ARHGAP6: variants seen among roughly 807,000 people sequenced by gnomAD.
ARHGAP6 encodes the protein Rho GTPase activating protein 6, also known as rho GTPase-activating protein 6.
In ARHGAP6, 16 loss-of-function variants were observed where a neutral mutation model predicts 55.7. The observed-to-expected ratio is 0.29, with a 90% CI of 0.19 to 0.44. The LOEUF (loss-of-function observed/expected upper bound fraction) is 0.44. ARHGAP6 is among the 20% of genes least tolerant of loss of function. ARHGAP6 has a pLI of 1.00. For synonymous variants in ARHGAP6, 382 were observed against 360.9 expected, an observed-to-expected ratio of 1.06 and a Z score of -0.66; for missense variants, 698 against 808.9, an observed-to-expected ratio of 0.86 and a Z score of 1.66.
intron 8 of ARHGAP6, among the ~76,000 whole-genome samples, chrX:11,174,623 T>TTTTCTTTTCTTTC (rs1555964791): frequency 4.3e-5 from 2 of 46,733 alleles, no homozygotes; most frequent in Non-Finnish European, 7.8e-5. Flanking sequence ...TTTCTCTTTC[T>TTTTCTTTTCTTTC]TTTCTTTCTT....
At chrX:11,330,899 T>C (rs1293569023) in intron 1 of ARHGAP6, among the ~76,000 whole-genome samples, 1 of 111,803 alleles carries the variant, frequency 8.9e-6, no homozygotes, top group Non-Finnish European at 1.9e-5. Context: ...GCCTGGCACA[T>C]GTTCAGCATG....
At chrX:11,296,716 T>C in intron 1 of ARHGAP6, 1 of 1,105,718 alleles carries the variant, frequency 9.0e-7, no homozygotes, top group Non-Finnish European at 1.2e-6. Context: ...TCCTCTCTCT[T>C]CTCTTCCTTC....
intron 8 of ARHGAP6, 95 bp from the exon 9 acceptor site, chrX:11,169,779 T>C: frequency 1.4e-6 from 1 of 715,288 alleles, no homozygotes; most frequent in Non-Finnish European, 2.0e-6. Context: ...TCTCCTTTTT[T>C]TTTTTTAATC....
chrX:11,253,903 C>CAA (rs375631926), intron 2 of ARHGAP6, among the ~76,000 whole-genome samples: 38 of 66,324 alleles, frequency 5.7e-4, no homozygotes, highest in Admixed American at 7.0e-4. Flanking sequence ...GACTCCATCT[C>CAA]AAAAAAAAAA....
At chrX:11,442,847 T>C (rs2050053587) in intron 1 of ARHGAP6, among the ~76,000 whole-genome samples, 1 of 112,122 alleles carries the variant, frequency 8.9e-6, no homozygotes, top group Admixed American at 9.4e-5. Flanking sequence ...CCAGGGCTAA[T>C]TATGTGGTTG....
In ARHGAP6 at chrX:11,390,537, T is replaced by A. The variant is rs1443438350; in HGVS notation, c.589-135830A>T. Among the ~76,000 whole-genome samples, 4 of 110,624 alleles carry A rather than the reference T, an allele frequency of 3.6e-5. No homozygotes were observed. In the East Asian group the frequency reaches 1.1e-3, roughly 31 times the overall value. On this transcript the variant is annotated intron_variant, in intron 1 of 12. Coordinates refer to ENST00000337414, the MANE Select transcript of ARHGAP6 (RefSeq NM_013427.3). ...CAGAGTGAACAGGCAACCTACAAAA[T>A]GGGAGAAAATTTTTGCAATCTACTC... is the stretch of plus-strand genomic sequence containing the variant.
intron 1 of ARHGAP6, chrX:11,266,056 T>TGA (rs2047620519): frequency 4.9e-6 from 2 of 408,362 alleles, no homozygotes; most frequent in South Asian, 1.8e-4. Flanking sequence ...TGTGTGTGTG[T>TGA]GTGTGTGTGT....
intron 1 of ARHGAP6, chrX:11,334,892 T>C (rs181666893): frequency 6.9e-6 from 1 of 144,159 alleles, no homozygotes; most frequent in African/African-American, 3.2e-5. Context: ...CACTTTGCTC[T>C]GGTATTTTTG....
intron 1 of ARHGAP6, among the ~76,000 whole-genome samples, chrX:11,452,932 C>A (rs1201847164): frequency 1.8e-5 from 2 of 110,760 alleles, no homozygotes; most frequent in Non-Finnish European, 3.8e-5. Context: ...GTCAAGTTTT[C>A]CAAATCTACT....
intron 1 of ARHGAP6, among the ~76,000 whole-genome samples, chrX:11,415,124 CATAAAT>C (rs1376667988): frequency 8.9e-6 from 1 of 111,792 alleles, no homozygotes; most frequent in Non-Finnish European, 1.9e-5. Flanking sequence ...TATTGTACAT[CATAAAT>C]ATATTTAATT....
chrX:11,405,446 A>G (rs1286768260), intron 1 of ARHGAP6, among the ~76,000 whole-genome samples: 1 of 112,259 alleles, frequency 8.9e-6, no homozygotes, highest in Non-Finnish European at 1.9e-5. Context: ...ACTTTTAAGG[A>G]GAATTTCTTT....
At chrX:11,497,837 G>C (rs1442618637) in intron 1 of ARHGAP6, among the ~76,000 whole-genome samples, 1 of 110,022 alleles carries the variant, frequency 9.1e-6, no homozygotes, top group Non-Finnish European at 1.9e-5. Context: ...TAGAGTAATG[G>C]TTCTCAACCT....
intron 1 of ARHGAP6, among the ~76,000 whole-genome samples, chrX:11,551,047 A>C (rs1051904018): frequency 1.8e-5 from 2 of 112,029 alleles, no homozygotes; most frequent in African/African-American, 6.5e-5. Flanking sequence ...GTACAAAAGT[A>C]GGGGAGAGAA....
intron 1 of ARHGAP6, among the ~76,000 whole-genome samples, chrX:11,490,925 A>G (rs914780225): frequency 8.9e-6 from 1 of 112,627 alleles, no homozygotes; most frequent in African/African-American, 3.2e-5. Context: ...TTCAAAAAGA[A>G]TATTTAATGT....
chrX:11,483,077 G>A (rs1377001800), intron 1 of ARHGAP6, among the ~76,000 whole-genome samples: 6 of 111,549 alleles, frequency 5.4e-5, no homozygotes, highest in African/African-American at 1.6e-4. Flanking sequence ...GAACACAGTC[G>A]AAGGCAGAAC....
At chrX:11,635,069 G>A (rs1202638872) in intron 1 of ARHGAP6, among the ~76,000 whole-genome samples, 3 of 111,954 alleles carry the variant, frequency 2.7e-5, no homozygotes, top group African/African-American at 9.7e-5. Flanking sequence ...TTTTTGTCAT[G>A]TGGACCTCTC....
At chrX:11,304,819 G>A (rs1421905437) in intron 1 of ARHGAP6, among the ~76,000 whole-genome samples, 5 of 72,523 alleles carry the variant, frequency 6.9e-5, no homozygotes, top group African/African-American at 1.2e-4. Flanking sequence ...ATGGAGTCTC[G>A]CTCTGTCGCC....
intron 1 of ARHGAP6, among the ~76,000 whole-genome samples, chrX:11,371,049 G>A (rs2049138086): frequency 8.9e-6 from 1 of 111,953 alleles, no homozygotes. Context: ...CTCACTTGAT[G>A]GATAATTCTC....
At chrX:11,454,318 C>T (rs1413147636) in intron 1 of ARHGAP6, among the ~76,000 whole-genome samples, 3 of 109,820 alleles carry the variant, frequency 2.7e-5, no homozygotes, top group Non-Finnish European at 3.8e-5. Context: ...GAACCTTCCA[C>T]GATGAAGCTC....
Sources: allele counts gnomAD v4.1 joint callset (sites outside exome capture counted in the v4.1 genomes callset), GRCh38; gene constraint gnomAD v4.1.1; transcripts MANE v1.5; gene names NCBI Gene and HGNC (gene_info 2026-07-23, HGNC 2026-07-21).